Variants in CSMD1 observed in about 807,000 individuals in gnomAD.
CSMD1 encodes CUB and sushi domain-containing protein 1.
CSMD1 carries 213 observed loss-of-function variants against 417.5 expected under a neutral mutation model. The ratio of observed to expected loss-of-function variants is 0.51; its 90% confidence interval spans 0.46 to 0.57. The LOEUF (loss-of-function observed/expected upper bound fraction) is 0.57, where lower values mean the gene tolerates loss of function less well. Ranked by LOEUF, CSMD1 falls within the 20% of genes least tolerant of loss-of-function variation. CSMD1 has a pLI of 0.00. For missense variants in CSMD1, 6,923 were observed against 4,529.7 expected (o/e 1.53, Z -15.17); for synonymous variants, 2,862 against 1,736.8 (o/e 1.65, Z -16.11).
chr8:4,537,510 T>G (rs1379915385), intron 2 of CSMD1, among the ~76,000 whole-genome samples: 1 of 152,224 alleles, frequency 6.6e-6, no homozygotes, highest in Non-Finnish European at 1.5e-5. Context: ...AACTGTATGT[T>G]ATTACAGACT....
chr8:4,872,836 G>A (rs768669498), intron 1 of CSMD1, among the ~76,000 whole-genome samples: 7 of 152,092 alleles, frequency 4.6e-5, no homozygotes, highest in Non-Finnish European at 1.0e-4. Flanking sequence ...GAAACAAGTT[G>A]AAATTTGAAC....
intron 3 of CSMD1, among the ~76,000 whole-genome samples, chr8:4,411,094 C>G (rs186242957): frequency 6.6e-6 from 1 of 152,120 alleles, no homozygotes; most frequent in Non-Finnish European, 1.5e-5. Context: ...GCCCCCTCCA[C>G]GTGTGGCCAC....
chr8:4,831,519 T>A (rs1052948671), intron 1 of CSMD1, among the ~76,000 whole-genome samples: 4 of 151,112 alleles, frequency 2.6e-5, no homozygotes, highest in Non-Finnish European at 5.9e-5. Flanking sequence ...ATGGTACATA[T>A]TTTTTTTTAA....
chr8:3,935,401 G>C (rs1225224008), intron 5 of CSMD1, among the ~76,000 whole-genome samples: 2 of 152,114 alleles, frequency 1.3e-5, no homozygotes, highest in Non-Finnish European at 1.5e-5. Flanking sequence ...TTGCTCTATT[G>C]CATTTTGCAA....
chr8:4,442,158 C>T (rs17070308), intron 2 of CSMD1, among the ~76,000 whole-genome samples: 13,883 of 152,194 alleles, frequency 0.091, 1,012 homozygotes, highest in East Asian at 0.38. Flanking sequence ...ACATCTGAAA[C>T]ACAGCTTCAA....
intron 1 of CSMD1, among the ~76,000 whole-genome samples, chr8:4,892,123 A>G (rs140872181): frequency 0.013 from 1,935 of 152,012 alleles, 17 homozygotes; most frequent in Middle Eastern, 0.031. Context: ...TCACAGGGAA[A>G]TTTTTTTTCC....
chr8:3,149,495 T>C (rs1454615992), intron 40 of CSMD1, among the ~76,000 whole-genome samples: 3 of 152,296 alleles, frequency 2.0e-5, no homozygotes, highest in South Asian at 4.1e-4. Context: ...CATTTACTTA[T>C]TGAGACAGAG....
At chr8:4,021,507 T>C (rs1796787158) in intron 4 of CSMD1, among the ~76,000 whole-genome samples, 1 of 152,168 alleles carries the variant, frequency 6.6e-6, no homozygotes, top group Admixed American at 6.5e-5. Context: ...CCCAGCATCG[T>C]CCTCAGTAGA....
chr8:3,051,077 C>A (rs1811787020), intron 50 of CSMD1, among the ~76,000 whole-genome samples: 1 of 152,174 alleles, frequency 6.6e-6, no homozygotes, highest in African/African-American at 2.4e-5. Flanking sequence ...GCTCATTCAA[C>A]CCAGCAATCC....
intron 18 of CSMD1, among the ~76,000 whole-genome samples, chr8:3,383,942 C>G (rs1810799639): frequency 6.6e-6 from 1 of 152,128 alleles, no homozygotes; most frequent in African/African-American, 2.4e-5. Flanking sequence ...ACCCCACAGA[C>G]TTAAGGTTGC....
At position 3,864,644 on chromosome 8, in the gene CSMD1, G is replaced by C. The variant is rs369001488; in HGVS notation, c.819-110602C>G. Among the ~76,000 whole-genome samples the C allele has an allele frequency of 7.2e-5, 11 of 152,128 alleles. No homozygotes were observed. The South Asian group carries it at 2.3e-3, about 32-fold the overall frequency. On this transcript the variant is annotated intron_variant, in intron 5 of 69. Transcript: ENST00000635120. Reference sequence around the variant, plus strand: ...TAACCCCATCCCACAACAGGCCCCGGTGTGTGATGTTCCCCTGAAGAAGAC... The same window carrying C: ...TAACCCCATCCCACAACAGGCCCCGCTGTGTGATGTTCCCCTGAAGAAGAC...
At chr8:3,779,578 C>G (rs1298049176) in intron 5 of CSMD1, among the ~76,000 whole-genome samples, 1 of 152,094 alleles carries the variant, frequency 6.6e-6, no homozygotes, top group Non-Finnish European at 1.5e-5. Context: ...TATCCAAAAG[C>G]AATTATGCTG....
intron 10 of CSMD1, among the ~76,000 whole-genome samples, chr8:3,537,989 T>C (rs917460369): frequency 2.6e-5 from 4 of 152,222 alleles, no homozygotes; most frequent in African/African-American, 9.6e-5. Context: ...ATTTATCATA[T>C]CCTCATTAGA....
At chr8:4,218,943 A>T (rs548337162) in intron 3 of CSMD1, among the ~76,000 whole-genome samples, 3 of 152,274 alleles carry the variant, frequency 2.0e-5, no homozygotes, top group African/African-American at 7.2e-5. Context: ...TCTCTGAGCA[A>T]TGCTATTTTT....
At chr8:3,519,914 G>A (rs777400292) in intron 10 of CSMD1, among the ~76,000 whole-genome samples, 1 of 151,614 alleles carries the variant, frequency 6.6e-6, no homozygotes, top group African/African-American at 2.4e-5. Context: ...TTCTACAGTA[G>A]TTTACTTTTA....
At chr8:4,441,120 AGAGATAG>A (rs1798451900) in intron 2 of CSMD1, among the ~76,000 whole-genome samples, 2 of 11,974 alleles carry the variant, frequency 1.7e-4, no homozygotes, top group South Asian at 0.011. Context: ...TTTTTTTTTA[AGAGATAG>A]GGTCTCTGTC....
At chr8:4,079,181 C>T (rs999970130) in intron 3 of CSMD1, among the ~76,000 whole-genome samples, 2 of 151,820 alleles carry the variant, frequency 1.3e-5, no homozygotes, top group Admixed American at 1.3e-4. Context: ...TGAATATAAG[C>T]TAATGTTTTA....
chr8:3,233,756 G>A (rs980683229), intron 26 of CSMD1, among the ~76,000 whole-genome samples: 4 of 152,054 alleles, frequency 2.6e-5, no homozygotes, highest in African/African-American at 4.8e-5. Flanking sequence ...CTGTTCTGGG[G>A]AACTTGACTT....
intron 3 of CSMD1, among the ~76,000 whole-genome samples, chr8:4,054,496 T>G (rs866883674): frequency 6.6e-6 from 1 of 152,222 alleles, no homozygotes; most frequent in East Asian, 1.9e-4. Flanking sequence ...GCTTTTGTCA[T>G]GTCGGTTTCG....
Sources: allele counts gnomAD v4.1 joint callset (sites outside exome capture counted in the v4.1 genomes callset), GRCh38; gene constraint gnomAD v4.1.1; transcripts MANE v1.5; gene names NCBI Gene and HGNC (gene_info 2026-07-23, HGNC 2026-07-21).